Variants in FBLN5 observed in about 807,000 individuals in gnomAD.
FBLN5 encodes the protein fibulin-5.
In FBLN5, 24 loss-of-function variants were observed where a neutral mutation model predicts 61.6. The observed-to-expected ratio is 0.39, with a 90% CI of 0.28 to 0.55. The LOEUF (loss-of-function observed/expected upper bound fraction) is 0.55. FBLN5 is among the 20% of genes least tolerant of loss of function. The probability of loss-of-function intolerance (pLI) is 0.65; values close to 1 mark genes in which losing one functional copy is unlikely to be tolerated. For missense variants in FBLN5, 470 were observed against 594.1 expected (o/e 0.79, Z 2.17); for synonymous variants, 213 against 219.8 (o/e 0.97, Z 0.27).
chr14:91,878,431 C>T (rs1241273872), intron 9 of FBLN5, among the ~76,000 whole-genome samples: 1 of 152,162 alleles, frequency 6.6e-6, no homozygotes, highest in Admixed American at 6.5e-5. Flanking sequence ...CCCCTAACAC[C>T]CCCTTCCTCT....
chr14:91,894,421 AAAAAAAC>A (rs1343595874), intron 5 of FBLN5, among the ~76,000 whole-genome samples: 6 of 143,854 alleles, frequency 4.2e-5, no homozygotes, highest in Middle Eastern at 4.0e-3. Context: ...AAAAAAAAAA[AAAAAAAC>A]CGAAAAAAAC....
chr14:91,905,644 A>G (rs1416843461), intron 4 of FBLN5, among the ~76,000 whole-genome samples: 4 of 145,010 alleles, frequency 2.8e-5, no homozygotes, highest in Non-Finnish European at 6.0e-5. Flanking sequence ...CAGTGGTGTG[A>G]TCTCGGCTCA....
At chr14:91,913,403 G>A (rs1272351146) in intron 4 of FBLN5, among the ~76,000 whole-genome samples, 1 of 152,138 alleles carries the variant, frequency 6.6e-6, no homozygotes, top group East Asian at 1.9e-4. Context: ...TAAGAAATAA[G>A]AGGGAGAACC....
chr14:91,901,115 T>C (rs746161928), intron 4 of FBLN5, among the ~76,000 whole-genome samples: 1 of 152,216 alleles, frequency 6.6e-6, no homozygotes, highest in African/African-American at 2.4e-5. Flanking sequence ...TCTATAATTG[T>C]AGGCATCCAA....
At chr14:91,921,608 TC>T (rs2055735554) in intron 4 of FBLN5, among the ~76,000 whole-genome samples, 1 of 152,134 alleles carries the variant, frequency 6.6e-6, no homozygotes, top group Non-Finnish European at 1.5e-5. Flanking sequence ...TTTGAAGGCC[TC>T]CGGTGGATTT....
intron 9 of FBLN5, among the ~76,000 whole-genome samples, chr14:91,879,764 C>G (rs924686571): frequency 1.3e-5 from 2 of 152,228 alleles, no homozygotes; most frequent in East Asian, 1.9e-4. Context: ...ATTATCCTCT[C>G]TTTTGCCAAT....
chr14:91,928,759 G>C (rs538039593), intron 4 of FBLN5, among the ~76,000 whole-genome samples: 13 of 149,268 alleles, frequency 8.7e-5, no homozygotes, highest in Non-Finnish European at 1.9e-4. Flanking sequence ...TTGGATAACA[G>C]AGCAAGACCC....
At chr14:91,946,788 C>T in intron 1 of FBLN5, 7 of 1,535,978 alleles carry the variant, frequency 4.6e-6, no homozygotes, top group Non-Finnish European at 6.1e-6. Context: ...TAGAGCAAAT[C>T]CAGCCCCGCG....
At chr14:91,884,948 C>T (rs1373676174) in intron 7 of FBLN5, among the ~76,000 whole-genome samples, 3 of 152,212 alleles carry the variant, frequency 2.0e-5, no homozygotes, top group Non-Finnish European at 4.4e-5. Flanking sequence ...TATTAGGCCA[C>T]TTTCACTCCT....
chr14:91,901,400 G>A (rs562009912), intron 4 of FBLN5, among the ~76,000 whole-genome samples: 3 of 152,160 alleles, frequency 2.0e-5, no homozygotes, highest in Non-Finnish European at 4.4e-5. Context: ...TCCTTTTTTG[G>A]ATATGGCAAA....
At chr14:91,894,094 T>C (rs528473121) in intron 5 of FBLN5, among the ~76,000 whole-genome samples, 2 of 152,170 alleles carry the variant, frequency 1.3e-5, no homozygotes, top group Non-Finnish European at 2.9e-5. Flanking sequence ...TCCAAAACCA[T>C]AGCCCTTAAA....
In FBLN5 at chr14:91,882,985, G is replaced by A; in HGVS notation, c.831C>T (p.Tyr277=). The A allele has an allele frequency of 1.9e-6, 3 of 1,614,112 alleles. No individual in the cohort carries two copies. Among genetic ancestry groups the A allele is most frequent in the South Asian group, 1.1e-5 (1 of 91,088 alleles). ...GTYFCSCPPG[Y]ILLDDNRSCQ... ...AGCTTCGGTTGTCATCCAGCAGGAT[G>A]TAGCCTGGAGGGCAGGAGCAGAAGT... The change falls in exon 8 of 11, where the codon TAC becomes TAT. Residue 277 remains tyrosine, a synonymous_variant. Transcript: ENST00000342058. This position sits in a 1 kb window ranked among gnomAD's most constrained non-coding sequence, Gnocchi z 4.9.
chr14:91,945,622 G>T (rs560477382), intron 1 of FBLN5, among the ~76,000 whole-genome samples: 1 of 152,294 alleles, frequency 6.6e-6, no homozygotes, highest in African/African-American at 2.4e-5. Context: ...TGGCCCATCT[G>T]CATCAGCAAC....
At chr14:91,872,120 G>A (rs1243873959) in intron 10 of FBLN5, among the ~76,000 whole-genome samples, 1 of 152,180 alleles carries the variant, frequency 6.6e-6, no homozygotes, top group Non-Finnish European at 1.5e-5. Flanking sequence ...TGAAAGGTAT[G>A]ACTCATTACT....
chr14:91,937,433 C>G (rs1185210122), intron 3 of FBLN5, among the ~76,000 whole-genome samples: 2 of 152,090 alleles, frequency 1.3e-5, no homozygotes, highest in South Asian at 4.1e-4. Context: ...ACCATATCTA[C>G]AAAAACCTTG....
intron 4 of FBLN5, among the ~76,000 whole-genome samples, chr14:91,911,423 T>C (rs1890928917): frequency 6.6e-6 from 1 of 152,204 alleles, no homozygotes; most frequent in African/African-American, 2.4e-5. Flanking sequence ...TAACTAAAGC[T>C]CTTTACACAG....
intron 7 of FBLN5, among the ~76,000 whole-genome samples, chr14:91,884,604 C>A (rs1889641879): frequency 6.6e-6 from 1 of 152,244 alleles, no homozygotes; most frequent in Non-Finnish European, 1.5e-5. Flanking sequence ...ACCAAGTTCA[C>A]AGATAACCAG....
At chr14:91,904,372 T>G (rs1890587365) in intron 4 of FBLN5, among the ~76,000 whole-genome samples, 1 of 152,156 alleles carries the variant, frequency 6.6e-6, no homozygotes. Flanking sequence ...GAATATCTAG[T>G]GGACATTGGC....
intron 4 of FBLN5, among the ~76,000 whole-genome samples, chr14:91,926,455 C>T (rs971905883): frequency 6.6e-6 from 1 of 152,126 alleles, no homozygotes; most frequent in African/African-American, 2.4e-5. Flanking sequence ...GATAGGAGAA[C>T]GAAGGTACCC....
Sources: allele counts gnomAD v4.1 joint callset (sites outside exome capture counted in the v4.1 genomes callset), GRCh38; gene constraint gnomAD v4.1.1; non-coding constraint Gnocchi (gnomAD v3.1); transcripts MANE v1.5; gene names NCBI Gene and HGNC (gene_info 2026-07-23, HGNC 2026-07-21).